TENM2: variants seen among roughly 807,000 people sequenced by gnomAD.
TENM2 encodes teneurin transmembrane protein 2, also known as teneurin-2.
A neutral mutation model predicts 245.2 loss-of-function variants in TENM2; 52 were observed. The observed-to-expected ratio is 0.21, with a 90% CI of 0.17 to 0.27. The LOEUF is 0.27. TENM2 is among the 10% of genes least tolerant of loss of function. The pLI is 1.00. For missense variants in TENM2, 3,046 were observed against 3,666.8 expected, an observed-to-expected ratio of 0.83 and a Z score of 4.37; for synonymous variants, 1,363 against 1,438.9, an observed-to-expected ratio of 0.95 and a Z score of 1.19.
intron 2 of TENM2, among the ~76,000 whole-genome samples, chr5:167,791,592 T>A (rs1351639985): frequency 6.7e-6 from 1 of 149,052 alleles, no homozygotes; most frequent in African/African-American, 2.5e-5. Flanking sequence ...ATAATGGTTG[T>A]GTAATACACA....
intron 2 of TENM2, among the ~76,000 whole-genome samples, chr5:167,831,468 T>C (rs1768479907): frequency 7.0e-6 from 1 of 143,138 alleles, no homozygotes; most frequent in Admixed American, 7.4e-5. Context: ...CTAAATCAGC[T>C]GCAAAAGAGT....
chr5:167,879,079 G>A (rs1262062854), intron 3 of TENM2, among the ~76,000 whole-genome samples: 2 of 152,134 alleles, frequency 1.3e-5, no homozygotes, highest in East Asian at 1.9e-4. Context: ...ATTCCTTCCC[G>A]AGGAGCACCT....
the TENM2 span, among the ~76,000 whole-genome samples, chr5:167,085,771 A>T: frequency 2.1e-3 from 326 of 152,310 alleles, 2 homozygotes; most frequent in African/African-American, 7.6e-3. Flanking sequence ...ATTAAACTCT[A>T]TAATAAATAA....
chr5:167,003,604 T>C, the TENM2 span, among the ~76,000 whole-genome samples: 1 of 152,222 alleles, frequency 6.6e-6, no homozygotes, highest in African/African-American at 2.4e-5. Flanking sequence ...GTGTTTGTGA[T>C]TGACAATCAG....
intron 2 of TENM2, among the ~76,000 whole-genome samples, chr5:167,515,680 T>TATATACGTA (rs1283561249): frequency 3.9e-4 from 22 of 55,760 alleles, no homozygotes; most frequent in Non-Finnish European, 7.5e-4. Flanking sequence ...TGTATATATA[T>TATATACGTA]TTTGAGAGGG....
At chr5:168,083,430 G>T (rs190677152) in intron 7 of TENM2, among the ~76,000 whole-genome samples, 1 of 152,102 alleles carries the variant, frequency 6.6e-6, no homozygotes, top group African/African-American at 2.4e-5. Context: ...CTGCTTTGGC[G>T]TACACTCTGT....
chr5:167,521,845 C>G (rs10462892), intron 2 of TENM2, among the ~76,000 whole-genome samples: 151,406 of 152,254 alleles, frequency 0.99, 75,288 homozygotes, highest in Middle Eastern at 1. Context: ...GATTACTGTA[C>G]AAAAATTACC....
At position 167,466,330 on chromosome 5, in the gene TENM2, T is replaced by C. The variant is rs140256889; in HGVS notation, c.502+90857T>C. 5.5e-4 allele frequency among the ~76,000 whole-genome samples: 84 copies of C among 152,356 alleles called. 2 individuals are homozygous for C. In the East Asian group the frequency reaches 0.014, roughly 26 times the overall value. On this transcript the variant is annotated intron_variant, in intron 2 of 28. Coordinates refer to ENST00000518659, the Ensembl canonical transcript of TENM2. ...GTGTTGTCAAACACAGCCTCACTGC[T>C]TCAAGTTCAATTGGGTGTTAGAGAC...
chr5:167,442,808 CAA>C (rs1764945970), intron 2 of TENM2, among the ~76,000 whole-genome samples: 1 of 152,010 alleles, frequency 6.6e-6, no homozygotes, highest in Non-Finnish European at 1.5e-5. Context: ...ATAATATGGT[CAA>C]ATTTTCAGTG....
At chr5:167,490,711 A>G (rs1768377308) in intron 2 of TENM2, among the ~76,000 whole-genome samples, 1 of 152,188 alleles carries the variant, frequency 6.6e-6, no homozygotes, top group Non-Finnish European at 1.5e-5. Flanking sequence ...ACATTGATAT[A>G]GAAAACAGGA....
At chr5:167,889,405 C>T (rs1774557252) in intron 3 of TENM2, among the ~76,000 whole-genome samples, 1 of 152,168 alleles carries the variant, frequency 6.6e-6, no homozygotes, top group South Asian at 2.1e-4. Context: ...TGACTAGGAT[C>T]GCATTTCAAT....
chr5:167,635,631 G>GTTTTTTTTTT (rs1561623173), intron 2 of TENM2, among the ~76,000 whole-genome samples: 2 of 90,984 alleles, frequency 2.2e-5, no homozygotes, highest in African/African-American at 1.2e-4. Context: ...GATCAGTACA[G>GTTTTTTTTTT]TCTTTTTTTT....
chr5:168,039,556 G>GA (rs1788000780), intron 5 of TENM2, among the ~76,000 whole-genome samples: 2 of 152,038 alleles, frequency 1.3e-5, no homozygotes, highest in Admixed American at 1.3e-4. Context: ...TTCTTAACCA[G>GA]GAAAAAAATT....
intron 2 of TENM2, among the ~76,000 whole-genome samples, chr5:167,531,877 A>G (rs760795084): frequency 1.3e-5 from 2 of 151,860 alleles, no homozygotes; most frequent in South Asian, 2.1e-4. Context: ...CCATACTTGA[A>G]CTCCTATAAA....
chr5:167,222,187 T>TA, the TENM2 span, among the ~76,000 whole-genome samples: 1 of 152,184 alleles, frequency 6.6e-6, no homozygotes, highest in Non-Finnish European at 1.5e-5. Flanking sequence ...GTATTTGTGA[T>TA]AAAAAGATCA....
chr5:167,433,764 A>T (rs1305507574), intron 2 of TENM2, among the ~76,000 whole-genome samples: 1 of 151,964 alleles, frequency 6.6e-6, no homozygotes, highest in African/African-American at 2.4e-5. Flanking sequence ...ATAATGATAA[A>T]CTCTAAGAAA....
At chr5:167,552,631 A>T (rs1773026358) in intron 2 of TENM2, among the ~76,000 whole-genome samples, 1 of 152,168 alleles carries the variant, frequency 6.6e-6, no homozygotes, top group Non-Finnish European at 1.5e-5. Flanking sequence ...GCCCATCAGC[A>T]CTGGAGGAGT....
intron 4 of TENM2, among the ~76,000 whole-genome samples, chr5:167,969,874 C>T (rs1410984170): frequency 6.6e-6 from 1 of 152,186 alleles, no homozygotes; most frequent in African/African-American, 2.4e-5. Flanking sequence ...GCGAGCAGAC[C>T]ACATTAATTG....
chr5:167,245,654 A>C, the TENM2 span, among the ~76,000 whole-genome samples: 1 of 152,192 alleles, frequency 6.6e-6, no homozygotes, highest in African/African-American at 2.4e-5. Flanking sequence ...AAGTTATGGA[A>C]CATCAAACAA....
Sources: allele counts gnomAD v4.1 joint callset (sites outside exome capture counted in the v4.1 genomes callset), GRCh38; gene constraint gnomAD v4.1.1; transcripts MANE v1.5; gene names NCBI Gene and HGNC (gene_info 2026-07-23, HGNC 2026-07-21).